Variants in REXO1 observed in about 807,000 individuals in gnomAD.
The protein encoded by REXO1 is REX1, RNA exonuclease 1 homolog.
REXO1 carries 42 observed loss-of-function variants against 102.6 expected under a neutral mutation model. The observed-to-expected ratio is 0.41, with a 90% confidence interval of 0.32 to 0.53. REXO1 has a LOEUF of 0.53. Ranked by LOEUF, REXO1 falls within the 20% of genes least tolerant of loss-of-function variation. REXO1 has a pLI of 0.27. For synonymous variants in REXO1, 908 were observed against 779.1 expected (o/e 1.17, Z -2.76); for missense variants, 1,819 against 1,732.5 (o/e 1.05, Z -0.89).
At chr19:1,824,877 C>T (rs2069663200) in intron 3 of REXO1, among the ~76,000 whole-genome samples, 1 of 152,106 alleles carries the variant, frequency 6.6e-6, no homozygotes, top group African/African-American at 2.4e-5. Context: ...CCTCCACCTC[C>T]CGGGTTCAAG....
rs533450230 is a variant in REXO1 at position 1,825,824 on chromosome 19, C to T, written c.2016+15G>A. Reference sequence around the variant, plus strand: ...AAAAAAAGGCTCCTGCTGGCCTGGCCTCTGCGGACCTTACCTCCTGGCCTT... The same window carrying T: ...AAAAAAAGGCTCCTGCTGGCCTGGCTTCTGCGGACCTTACCTCCTGGCCTT... On this transcript the variant is annotated intron_variant, in intron 3 of 15. Coordinates refer to ENST00000170168, the MANE Select transcript of REXO1 (RefSeq NM_020695.4). 4 of 1,556,718 alleles carry T rather than the reference C, an allele frequency of 2.6e-6. No individual in the cohort carries two copies. The East Asian group carries it at 6.7e-5, about 26-fold the overall frequency.
chr19:1,820,028 G>A lies in REXO1; in HGVS notation c.2556C>T (p.Asp852=), dbSNP rs535585205. The change falls in exon 7 of 16, where the codon GAC becomes GAT. Residue 852 remains aspartate, a synonymous_variant. Transcript: ENST00000170168. Reference sequence around the variant, plus strand: ...GGTAGATGTTCTTGCTGGGGCTGCGGTCATAGGCCACCTTCTCCTCGTTCA... The same window carrying A: ...GGTAGATGTTCTTGCTGGGGCTGCGATCATAGGCCACCTTCTCCTCGTTCA... The part of the protein sequence containing the change: ...KALNEEKVAY[D]RSPSKNIYLN... 3.6e-5 allele frequency: 57 copies of A among 1,603,964 alleles called. 1 individual carries two copies. In the South Asian group the frequency reaches 5.8e-4, roughly 16 times the overall value.
intron 10 of REXO1, 125 bp from the exon 11 acceptor site, chr19:1,817,905 C>A: frequency 1.4e-6 from 1 of 724,628 alleles, no homozygotes. Context: ...AGGCCTCAGC[C>A]TCTTGGTGGA....
At position 1,825,859 on chromosome 19, in the gene REXO1, G is replaced by A. The variant is rs1234922261; in HGVS notation, c.1996C>T (p.Leu666Phe). The part of the protein sequence containing the change: ...FPGQKRRISH[L>F]SKQGQEVEPP... ...CTTACCTCCTGGCCTTGCTTGGAAA[G>A]GTGGGAGATCCTCCTCTTCTGCCCG... Residue 666 changes from leucine to phenylalanine, a missense_variant, in exon 3 of 16, where the codon CTT becomes TTT. Leu to Phe is a conservative substitution (Grantham distance 22, BLOSUM62 0). Coordinates refer to ENST00000170168, the MANE Select transcript of REXO1 (RefSeq NM_020695.4). The A allele has an allele frequency of 1.9e-6, 3 of 1,612,590 alleles. No homozygotes were observed. Among genetic ancestry groups the A allele is most frequent in the Non-Finnish European group, 2.5e-6 (3 of 1,179,292 alleles).
chr19:1,821,483 G>A (rs369705521), intron 5 of REXO1, 36 bp downstream of exon 5: 15 of 1,612,220 alleles, frequency 9.3e-6, no homozygotes, highest in African/African-American at 2.7e-5. Flanking sequence ...GCGTGGTCTT[G>A]GGGGTGGTGG....
rs755825601 is a variant in REXO1 at position 1,817,743 on chromosome 19, C to T, written c.3054G>A (p.Ser1018=). Residue 1018 remains serine, a synonymous_variant, in exon 11 of 16, where the codon TCG becomes TCA. Transcript: ENST00000170168. ...GGCAGCCGACAGAGCCGGCGGCAGCCGAGCAGCACATGTACTGGGTCTCCC... is the reference window on the plus strand; with the variant it reads ...GGCAGCCGACAGAGCCGGCGGCAGCTGAGCAGCACATGTACTGGGTCTCCC... ...GGWETQYMCC[S]AAAGSVGCQV... 1.5e-5 allele frequency: 24 copies of T among 1,612,484 alleles called. No homozygotes were observed. The highest frequency in any genetic ancestry group is 1.3e-4 in the South Asian group (12 of 91,004).
chr19:1,827,442 C>T lies in REXO1; in HGVS notation c.1347G>A (p.Gly449=). The change falls in exon 2 of 16, where the codon GGG becomes GGA. Residue 449 remains glycine (G), a synonymous_variant. Coordinates refer to ENST00000170168, the MANE Select transcript of REXO1 (RefSeq NM_020695.4). ...SATPVATSGK[G]RPDRPARRPS... is the part of the protein sequence containing the mutation. ...GCCGCCGCGCTGGCCGGTCAGGCCT[C>T]CCTTTCCCTGAGGTGGCCACAGGAG... is the stretch of plus-strand genomic sequence containing the variant. 6.4e-7 allele frequency: 1 copy of T among 1,558,870 alleles called. No individual in the cohort carries two copies. The highest frequency in any genetic ancestry group is 8.6e-7 in the Non-Finnish European group (1 of 1,162,832).
At position 1,848,142 on chromosome 19, in the gene REXO1, G is replaced by T. The variant is rs577622633; in HGVS notation, c.157+60C>A. ...AACGGGGACCCCGGGCGGGACCGGGGTGGGGTCCAGACCCGGGCAGGGGAG... is the reference window on the plus strand; with the variant it reads ...AACGGGGACCCCGGGCGGGACCGGGTTGGGGTCCAGACCCGGGCAGGGGAG... On this transcript the variant is annotated intron_variant, in intron 1 of 15. Transcript: ENST00000170168. 1,356 of 854,076 alleles carry T rather than the reference G, an allele frequency of 1.6e-3. 15 individuals are homozygous for T. In the African/African-American group the frequency reaches 0.022, roughly 14 times the overall value. 52.9% of individuals were successfully genotyped at this position (854,076 alleles called of 1,614,324 possible).
intron 1 of REXO1, among the ~76,000 whole-genome samples, chr19:1,836,851 G>A (rs529745310): frequency 6.6e-6 from 1 of 152,122 alleles, no homozygotes; most frequent in Non-Finnish European, 1.5e-5. Context: ...CAGCAGGACT[G>A]GCCCCTCCAG....
In REXO1 at chr19:1,842,482, C is replaced by T. The variant is rs77950660; in HGVS notation, c.157+5720G>A. ...CCTGTCGGGATCAGTCACTGCTCTA[C>T]TGAAGACCTAAGCAAAGAATCCTAA... On this transcript the variant is annotated intron_variant, in intron 1 of 15. Coordinates refer to ENST00000170168, the MANE Select transcript of REXO1 (RefSeq NM_020695.4). 1.3e-3 allele frequency among the ~76,000 whole-genome samples: 205 copies of T among 152,392 alleles called. 4 individuals carry two copies. The East Asian group carries it at 0.03, about 22-fold the overall frequency.
At chr19:1,821,033 AAAC>A (rs1180486948) in intron 5 of REXO1, among the ~76,000 whole-genome samples, 1 of 149,636 alleles carries the variant, frequency 6.7e-6, no homozygotes, top group Non-Finnish European at 1.5e-5. Flanking sequence ...CAAAAAAACA[AAAC>A]AAGACAAAAC....
At chr19:1,839,043 C>T (rs2011187454) in intron 1 of REXO1, among the ~76,000 whole-genome samples, 1 of 152,064 alleles carries the variant, frequency 6.6e-6, no homozygotes, top group Admixed American at 6.6e-5. Context: ...CTGCCTTGAG[C>T]TCAGGAGTTT....
Position 1,827,996 on chromosome 19 carries a change from T to TGCCGCGGGA in REXO1, c.784_792dup (p.Arg263_Ser265dup). On this transcript the variant is annotated inframe_insertion, in exon 2 of 16. Coordinates refer to ENST00000170168, the MANE Select transcript of REXO1 (RefSeq NM_020695.4). ...TTGGGAGCAGGTGTGTAGGGCTCACTGCCGCGGGAGCCCCGGGGCCGCTTG... is the reference window on the plus strand; with the variant it reads ...TTGGGAGCAGGTGTGTAGGGCTCACTGCCGCGGGAGCCGCGGGAGCCCCGGGGCCGCTTG... The TGCCGCGGGA allele has an allele frequency of 4.3e-6, 7 of 1,613,266 alleles. No individual in the cohort carries two copies. Among genetic ancestry groups the TGCCGCGGGA allele is most frequent in the Middle Eastern group, 1.6e-4 (1 of 6,062 alleles).
At position 1,818,701 on chromosome 19, in the gene REXO1, C is replaced by T; in HGVS notation, c.2902+5G>A. ...CACCTAGGCCGTCGCAGGCCAGCGA[C>T]TCACAGTCCTTGGGCCTCTTCTCCT... On this transcript the variant is annotated splice_donor_5th_base_variant and intron_variant, in intron 9 of 15. Transcript: ENST00000170168. The T allele has an allele frequency of 6.2e-7, 1 of 1,610,914 alleles. No individual in the cohort carries two copies. Among genetic ancestry groups the T allele is most frequent in the Non-Finnish European group, 8.5e-7 (1 of 1,179,778 alleles).
At chr19:1,836,618 C>T (rs536564471) in intron 1 of REXO1, among the ~76,000 whole-genome samples, 7 of 152,230 alleles carry the variant, frequency 4.6e-5, no homozygotes, top group South Asian at 2.1e-4. Context: ...TGGCGGCAGG[C>T]GCCTATAGTC....
intron 1 of REXO1, among the ~76,000 whole-genome samples, chr19:1,834,440 T>G (rs2069984760): frequency 6.6e-6 from 1 of 152,114 alleles, no homozygotes; most frequent in Non-Finnish European, 1.5e-5. Flanking sequence ...TGTTGTTTTG[T>G]GGAGACAGGC....
Position 1,827,105 on chromosome 19 carries a change from C to T in REXO1, c.1684G>A (p.Glu562Lys). 2.6e-6 allele frequency: 4 copies of T among 1,541,626 alleles called. No homozygotes were observed. Among genetic ancestry groups the T allele is most frequent in the Non-Finnish European group, 3.5e-6 (4 of 1,145,558 alleles). Residue 562 changes from glutamate to lysine, a missense_variant, in exon 2 of 16, where the codon GAG becomes AAG. Glu to Lys is a moderately conservative substitution (Grantham distance 56). Transcript: ENST00000170168. Reference protein sequence around the residue: ...SDSDSSLGFPEAQGPPKRLKA... With the variant: ...SDSDSSLGFPKAQGPPKRLKA... ...AGCCGCTTGGGCGGCCCCTGCGCCT[C>T]CGGGAAGCCCAGGCTGGAGTCTGAG...
In REXO1 at chr19:1,815,694, G is replaced by A. The variant is rs536932641; in HGVS notation, c.*372C>T. On this transcript the variant is annotated 3_prime_UTR_variant, in exon 16 of 16. Coordinates refer to ENST00000170168, the MANE Select transcript of REXO1 (RefSeq NM_020695.4). This position sits in a 1 kb window ranked among gnomAD's most constrained non-coding sequence, Gnocchi z 4.0. The stretch of plus-strand genomic sequence containing the variant: ...AAAAGACTGTCTCAAACAAACCTGG[G>A]ACAAGCCCGCCCCGCGACCCACGTG... 4,158 of 1,342,246 alleles carry A rather than the reference G, an allele frequency of 3.1e-3. 10 individuals carry two copies. The highest frequency in any genetic ancestry group is 3.2e-3 in the Non-Finnish European group (3,317 of 1,039,834). The allele number at this position is 1,342,246 out of a possible 1,614,324, so 83.1% of individuals were successfully genotyped here. A position where few individuals can be genotyped will look rare whatever the true frequency, so the allele number is the denominator to read the frequency against.
chr19:1,815,894 TGA>T lies in REXO1; in HGVS notation c.*170_*171del. On this transcript the variant is annotated 3_prime_UTR_variant, in exon 16 of 16. Transcript: ENST00000170168. The surrounding 1 kb of genome is among the most constrained non-coding windows in gnomAD (Gnocchi z 4.0). ...ACCGGCGGAGGGGTGCGGCAGGACGTGAGCGGGGGTGGGCTGGGCTGGGCGTT... is the reference window on the plus strand; with the variant it reads ...ACCGGCGGAGGGGTGCGGCAGGACGTGCGGGGGTGGGCTGGGCTGGGCGTT... 2 of 1,330,116 alleles carry T rather than the reference TGA, an allele frequency of 1.5e-6. No homozygotes were observed. The highest frequency in any genetic ancestry group is 2.6e-5 in the South Asian group (2 of 77,886). 82.4% of individuals were successfully genotyped at this position (1,330,116 alleles called of 1,614,324 possible).
Sources: gnomAD v4.1 joint callset for allele counts (sites outside exome capture counted in the v4.1 genomes callset) on GRCh38, gnomAD v4.1.1 for gene constraint, Gnocchi (gnomAD v3.1) non-coding constraint, MANE v1.5 for transcripts, NCBI Gene and HGNC (gene_info 2026-07-23, HGNC 2026-07-21) for gene names.